The following SCD variants were observed in gnomAD, a reference collection of about 807,000 sequenced individuals.
SCD encodes acyl-CoA desaturase.
Under a neutral mutation model 35.7 loss-of-function variants are expected in SCD, and 4 were observed. The ratio of observed to expected loss-of-function variants is 0.11; its 90% CI spans 0.06 to 0.26. The LOEUF (loss-of-function observed/expected upper bound fraction) is 0.26, where lower values mean the gene tolerates loss of function less well. Among genes scored for constraint, SCD ranks in the 10% least tolerant of loss-of-function variants. The pLI is 1.00. For synonymous variants in SCD, 150 were observed against 170.2 expected, an observed-to-expected ratio of 0.88 and a Z score of 0.92; for missense variants, 282 against 460.7, an observed-to-expected ratio of 0.61 and a Z score of 3.55.
In SCD at chr10:100,352,501, G is replaced by C; in HGVS notation, c.441+5G>C. The C allele has an allele frequency of 2.5e-6, 4 of 1,613,418 alleles. No homozygotes were observed. Among genetic ancestry groups the C allele is most frequent in the Non-Finnish European group, 3.4e-6 (4 of 1,179,956 alleles). On this transcript the variant is annotated splice_donor_5th_base_variant and intron_variant, in intron 3 of 5. Coordinates refer to ENST00000370355, the MANE Select transcript of SCD (RefSeq NM_005063.5). This position sits in a 1 kb window ranked among gnomAD's most constrained non-coding sequence, Gnocchi z 4.2. ...GCCAACACAATGGCATTCCAGGTAA[G>C]AAGTTGTCTCTGCTCAGCTGTTTGT...
Position 100,356,853 on chromosome 10 carries a change from T to C in SCD, c.880+89T>C. On this transcript the variant is annotated intron_variant, in intron 5 of 5. Transcript: ENST00000370355. The surrounding 1 kb of genome is among the most constrained non-coding windows in gnomAD (Gnocchi z 4.1). ...GCCAGAAAAACTAGATAAATCTGTT[T>C]TTTATGGCTACTTTGTATCTCAGTT... The C allele has an allele frequency of 1.9e-6, 2 of 1,026,676 alleles. No homozygotes were observed. The allele number at this position is 1,026,676 out of a possible 1,614,324, so 63.6% of individuals were successfully genotyped here.
chr10:100,355,533 GC>G (rs1258392840), intron 4 of SCD, among the ~76,000 whole-genome samples: 1 of 152,178 alleles, frequency 6.6e-6, no homozygotes, highest in African/African-American at 2.4e-5. Context: ...GCAATAGGAA[GC>G]CATTACATCT....
Position 100,356,622 on chromosome 10 carries a change from G to A in SCD, c.738G>A (p.Val246=), listed in dbSNP as rs1203423655. ...YFWGETFQNS[V]FVATFLRYAV... ...GGGGTGAAACTTTTCAAAACAGTGT[G>A]TTCGTTGCCACTTTCTTGCGATATG... The change falls in exon 5 of 6, where the codon GTG becomes GTA. Residue 246 remains valine, a synonymous_variant. Coordinates refer to ENST00000370355, the MANE Select transcript of SCD (RefSeq NM_005063.5). This position sits in a 1 kb window ranked among gnomAD's most constrained non-coding sequence, Gnocchi z 4.1. The A allele has an allele frequency of 5.0e-6, 8 of 1,614,136 alleles. No individual in the cohort carries two copies. The Admixed American group carries it at 5.0e-5, about 10-fold the overall frequency.
At position 100,360,917 on chromosome 10, in the gene SCD, A is replaced by G; in HGVS notation, c.1064A>G (p.Asn355Ser). The G allele has an allele frequency of 1.9e-6, 3 of 1,613,972 alleles. No homozygotes were observed. The highest frequency in any genetic ancestry group is 2.5e-6 in the Non-Finnish European group (3 of 1,179,846). The change falls in exon 6 of 6, where the codon AAC becomes AGC. Residue 355 changes from asparagine (N) to serine (S), a missense_variant. Asn to Ser is a conservative substitution (Grantham distance 46). Around this residue, in one of 2 missense-constraint regions of SCD, gnomAD observed 205 missense variants for 372.3 expected, o/e 0.55. Coordinates refer to ENST00000370355, the MANE Select transcript of SCD (RefSeq NM_005063.5). The stretch of plus-strand genomic sequence containing the variant: ...AGGATTAAAAGAACCGGAGATGGAA[A>G]CTACAAGAGTGGCTGAGTTTGGGGT... ...LARIKRTGDGNYKSG is the reference protein window; with the variant it reads ...LARIKRTGDGSYKSG
At chr10:100,358,341 C>T (rs368214588) in intron 5 of SCD, among the ~76,000 whole-genome samples, 1 of 151,974 alleles carries the variant, frequency 6.6e-6, no homozygotes, top group Non-Finnish European at 1.5e-5. Context: ...CCTGTAATCC[C>T]AGCACTTTGG....
Position 100,354,441 on chromosome 10 carries a change from A to G in SCD, c.456A>G (p.Glu152=). 2.5e-6 allele frequency: 4 copies of G among 1,613,608 alleles called. No homozygotes were observed. The highest frequency in any genetic ancestry group is 3.3e-5 in the Admixed American group (2 of 60,016). The stretch of plus-strand genomic sequence containing the variant: ...TCTCTCCCCAGAATGATGTCTATGA[A>G]TGGGCTCGTGACCACCGTGCCCACC... ...NTMAFQNDVY[E]WARDHRAHHK... is the part of the protein sequence containing the mutation. Residue 152 remains glutamate (E), a synonymous_variant, in exon 4 of 6, where the codon GAA becomes GAG. Coordinates refer to ENST00000370355, the MANE Select transcript of SCD (RefSeq NM_005063.5).
chr10:100,360,628 T>C (rs1232680099), intron 5 of SCD, 106 bp from the exon 6 acceptor site: 1 of 847,882 alleles, frequency 1.2e-6, no homozygotes, highest in Non-Finnish European at 2.0e-6. Flanking sequence ...CATTCAACAA[T>C]AGCGAGTTTC....
chr10:100,347,566 C>T (rs1340256855), intron 1 of SCD, 35 bp downstream of exon 1: 8 of 1,612,364 alleles, frequency 5.0e-6, no homozygotes, highest in Non-Finnish European at 5.9e-6. Context: ...ACCGCCGGGT[C>T]GCAGGCGCGG....
At chr10:100,358,643 T>C (rs1849955979) in intron 5 of SCD, among the ~76,000 whole-genome samples, 1 of 143,280 alleles carries the variant, frequency 7.0e-6, no homozygotes, top group Non-Finnish European at 1.5e-5. Context: ...GCGTGGTGGC[T>C]CACACCTGTA....
Position 100,348,185 on chromosome 10 carries a change from T to G in SCD, c.149T>G (p.Ile50Arg). 7 of 1,613,958 alleles carry G rather than the reference T, an allele frequency of 4.3e-6. No individual in the cohort carries two copies. The highest frequency in any genetic ancestry group is 5.9e-6 in the Non-Finnish European group (7 of 1,179,976). The change falls in exon 2 of 6, where the codon ATA becomes AGA. Residue 50 changes from isoleucine (I) to arginine (R), a missense_variant. Transcript: ENST00000370355. ...TTGGAAGACGACATTCGCCCTGATA[T>G]AAAAGATGATATATATGACCCCACC... The part of the protein sequence containing the change: ...LYLEDDIRPD[I>R]KDDIYDPTYK...
At chr10:100,347,864 C>T (rs545688198) in intron 1 of SCD, among the ~76,000 whole-genome samples, 200 bp from the exon 2 acceptor site, 1 of 152,250 alleles carries the variant, frequency 6.6e-6, no homozygotes, top group East Asian at 1.9e-4. Flanking sequence ...GTCCCCCTCG[C>T]CCTCCGCCCC....
chr10:100,349,706 G>T (rs913714072), intron 2 of SCD, among the ~76,000 whole-genome samples: 3 of 152,118 alleles, frequency 2.0e-5, no homozygotes, highest in Non-Finnish European at 2.9e-5. Flanking sequence ...TGTCACAGCC[G>T]CAGAGACAGA....
chr10:100,359,734 A>T (rs749341703), intron 5 of SCD, among the ~76,000 whole-genome samples: 9 of 152,178 alleles, frequency 5.9e-5, no homozygotes, highest in Non-Finnish European at 1.3e-4. Context: ...TGTTATCTAC[A>T]AAGAGCCAAA....
rs1384179638 is a variant in SCD at position 100,362,533 on chromosome 10, C to T, written c.*1600C>T. 6.6e-6 allele frequency: 1 copy of T among 152,268 alleles called. No homozygotes were observed. Among genetic ancestry groups the T allele is most frequent in the Non-Finnish European group, 1.5e-5 (1 of 68,120 alleles). 9.4% of individuals were successfully genotyped at this position (152,268 alleles called of 1,614,324 possible). ...TTCTTTGACCAGATCTTTCTCTTCCCTGAACGTTTTCTTCTTTCCCTGGAC... is the reference window on the plus strand; with the variant it reads ...TTCTTTGACCAGATCTTTCTCTTCCTTGAACGTTTTCTTCTTTCCCTGGAC... On this transcript the variant is annotated 3_prime_UTR_variant, in exon 6 of 6. Transcript: ENST00000370355.
chr10:100,354,774 AT>A, intron 4 of SCD, 142 bp downstream of exon 4: 1 of 657,686 alleles, frequency 1.5e-6, no homozygotes, highest in Non-Finnish European at 2.6e-6. Context: ...TAAAATCCCA[AT>A]TTTTAACATC....
rs11392822 is a variant in SCD, at chr10:100,352,983, T to TA, written c.441+497dup. Among the ~76,000 whole-genome samples, 92,770 of 150,976 alleles carry TA rather than the reference T, an allele frequency of 0.61. 29,667 individuals are homozygous for TA. Among genetic ancestry groups the TA allele is most frequent in the African/African-American group, 0.81 (33,505 of 41,178 alleles). ...AGCCTGGGTGACAAGACCCCAACTT[T>TA]AAAAAAAAAATTTCAAAAGTGAATA... On this transcript the variant is annotated intron_variant, in intron 3 of 5. Transcript: ENST00000370355. This position sits in a 1 kb window ranked among gnomAD's most constrained non-coding sequence, Gnocchi z 4.2.
chr10:100,359,111 C>G (rs1014140299), intron 5 of SCD, among the ~76,000 whole-genome samples: 1 of 152,046 alleles, frequency 6.6e-6, no homozygotes, highest in East Asian at 1.9e-4. Context: ...TTTCCTGTAT[C>G]GCAAATGGAT....
chr10:100,348,044 C>A lies in SCD; in HGVS notation c.28-20C>A. ...TCCACGTGTCTCTTCTCCTGACTCT[C>A]CTCTTCCTCCCCCTTCCAGATCTCT... On this transcript the variant is annotated intron_variant, in intron 1 of 5. Transcript: ENST00000370355. The A allele has an allele frequency of 6.2e-7, 1 of 1,609,714 alleles. No individual in the cohort carries two copies. Among genetic ancestry groups the A allele is most frequent in the Non-Finnish European group, 8.5e-7 (1 of 1,177,910 alleles).
chr10:100,360,711 A>C (rs200119109), intron 5 of SCD, 23 bp from the exon 6 acceptor site: 3 of 1,611,816 alleles, frequency 1.9e-6, no homozygotes, highest in Non-Finnish European at 2.5e-6. Context: ...CCGTCACTCC[A>C]TAACTTCTCG....
Sources: allele counts gnomAD v4.1 joint callset (sites outside exome capture counted in the v4.1 genomes callset), GRCh38; gene constraint gnomAD v4.1.1; regional missense constraint gnomAD v4.1.1; non-coding constraint Gnocchi (gnomAD v3.1); transcripts MANE v1.5; gene names NCBI Gene and HGNC (gene_info 2026-07-23, HGNC 2026-07-21).